Variants in LHFPL3 observed in about 807,000 individuals in gnomAD.
The protein encoded by LHFPL3 is LHFPL tetraspan subfamily member 3.
In LHFPL3, 5 loss-of-function variants were observed where a neutral mutation model predicts 19.3. That is an observed-to-expected ratio of 0.26 (90% CI 0.14 to 0.54). The LOEUF (loss-of-function observed/expected upper bound fraction) is 0.54, where lower values mean the gene tolerates loss of function less well. Ranked by LOEUF, LHFPL3 falls within the 20% of genes least tolerant of loss-of-function variation. LHFPL3 has a pLI of 0.94. For synonymous variants in LHFPL3, 133 were observed against 126.2 expected (o/e 1.05, Z -0.36); for missense variants, 249 against 307.4 (o/e 0.81, Z 1.42).
chr7:104,607,554 G>C (rs1045059677), intron 1 of LHFPL3, among the ~76,000 whole-genome samples: 3 of 152,170 alleles, frequency 2.0e-5, no homozygotes, highest in Admixed American at 2.0e-4. Context: ...GAAGACCGAA[G>C]ATCCAGGGGT....
chr7:104,826,413 TC>T, intron 2 of LHFPL3: 1 of 162,068 alleles, frequency 6.2e-6, no homozygotes. Context: ...CCACGCAGCA[TC>T]CCTCATCCTT....
intron 1 of LHFPL3, among the ~76,000 whole-genome samples, chr7:104,595,693 T>G (rs975011922): frequency 6.6e-6 from 1 of 152,394 alleles, no homozygotes; most frequent in Middle Eastern, 3.4e-3. Flanking sequence ...GCAGTAGGCC[T>G]TGTTGAGCTG....
At chr7:104,726,181 T>C (rs1356920714) in intron 1 of LHFPL3, among the ~76,000 whole-genome samples, 5 of 152,248 alleles carry the variant, frequency 3.3e-5, no homozygotes, top group African/African-American at 4.8e-5. Context: ...GACTGTGATA[T>C]TGACCTCCAT....
At chr7:104,724,545 A>G (rs1382098068) in intron 1 of LHFPL3, among the ~76,000 whole-genome samples, 1 of 152,324 alleles carries the variant, frequency 6.6e-6, no homozygotes, top group East Asian at 1.9e-4. Flanking sequence ...CACTTTAAGA[A>G]AACTAAATGA....
At chr7:104,704,593 T>C (rs1250533682) in intron 1 of LHFPL3, among the ~76,000 whole-genome samples, 1 of 152,104 alleles carries the variant, frequency 6.6e-6, no homozygotes, top group African/African-American at 2.4e-5. Context: ...AAAGTACCTT[T>C]CTTGCCCTAG....
intron 2 of LHFPL3, among the ~76,000 whole-genome samples, chr7:104,805,571 C>T (rs1289796209): frequency 3.3e-5 from 5 of 152,182 alleles, no homozygotes; most frequent in African/African-American, 1.2e-4. Context: ...GCTTCGTTCA[C>T]CCCTTCCAGG....
chr7:104,725,815 G>T (rs1170094715), intron 1 of LHFPL3, among the ~76,000 whole-genome samples: 1 of 152,064 alleles, frequency 6.6e-6, no homozygotes, highest in South Asian at 2.1e-4. Flanking sequence ...ACTTTGGGAG[G>T]CCAAAAATGG....
chr7:104,828,476 A>T (rs1790867958), intron 2 of LHFPL3, among the ~76,000 whole-genome samples: 1 of 151,998 alleles, frequency 6.6e-6, no homozygotes, highest in East Asian at 1.9e-4. Flanking sequence ...CTTGTCTGAA[A>T]CCAAGAGACC....
intron 1 of LHFPL3, among the ~76,000 whole-genome samples, chr7:104,552,456 T>C (rs1224055158): frequency 6.6e-6 from 1 of 152,172 alleles, no homozygotes; most frequent in African/African-American, 2.4e-5. Context: ...GTTGGGCTAT[T>C]TGAGACCTTC....
chr7:104,563,004 G>A (rs1037455569), intron 1 of LHFPL3, among the ~76,000 whole-genome samples: 19 of 152,290 alleles, frequency 1.2e-4, no homozygotes, highest in South Asian at 4.1e-4. Flanking sequence ...GGGGGTCAGG[G>A]GTCAGGGACC....
intron 1 of LHFPL3, among the ~76,000 whole-genome samples, chr7:104,611,739 G>T (rs544909825): frequency 2.6e-4 from 40 of 152,206 alleles, no homozygotes; most frequent in African/African-American, 8.2e-4. Flanking sequence ...ACTAAAAAAG[G>T]GGGGGAGGAA....
rs199814222 is a variant in LHFPL3 at position 104,829,325 on chromosome 7, C to CT, written c.683-76852dup. Reference sequence around the variant, plus strand: ...TGGAGAGTGATAGATGTCATAGCTGCTTTTTTTTTTAATTATTATTATACT... The same window carrying CT: ...TGGAGAGTGATAGATGTCATAGCTGCTTTTTTTTTTTAATTATTATTATACT... On this transcript the variant is annotated intron_variant, in intron 2 of 2. Coordinates refer to ENST00000424859, the MANE Select transcript of LHFPL3 (RefSeq NM_199000.3). Among the ~76,000 whole-genome samples the CT allele has an allele frequency of 6.7e-4, 100 of 148,408 alleles. 1 individual carries two copies. Among genetic ancestry groups the CT allele is most frequent in the African/African-American group, 1.5e-3 (59 of 40,180 alleles).
rs1793330174 is a variant in LHFPL3 at position 104,490,830 on chromosome 7, C to G, written c.445+161606C>G. On this transcript the variant is annotated intron_variant, in intron 1 of 2. Transcript: ENST00000424859. ...ATCTAATAGCACTCTCTGGAATTCA[C>G]TATTCCCTCCTCTCACAGGTTTCCT... is the stretch of plus-strand genomic sequence containing the variant. Among the ~76,000 whole-genome samples the G allele has an allele frequency of 3.9e-5, 6 of 152,286 alleles. No individual in the cohort carries two copies. In the South Asian group the frequency reaches 1.2e-3, roughly 32 times the overall value.
chr7:104,583,861 G>A (rs994381129), intron 1 of LHFPL3, among the ~76,000 whole-genome samples: 17 of 151,590 alleles, frequency 1.1e-4, no homozygotes, highest in African/African-American at 3.9e-4. Context: ...CTGTTGGTGG[G>A]ACTGTAAACT....
chr7:104,732,945 A>T (rs1793732775), intron 1 of LHFPL3, among the ~76,000 whole-genome samples: 2 of 152,220 alleles, frequency 1.3e-5, no homozygotes. Flanking sequence ...CATTGGTTTC[A>T]AAAACATCTT....
At chr7:104,815,647 G>A (rs557106854) in intron 2 of LHFPL3, among the ~76,000 whole-genome samples, 1 of 152,256 alleles carries the variant, frequency 6.6e-6, no homozygotes, top group South Asian at 2.1e-4. Flanking sequence ...CCTCCGTTCA[G>A]AGGTTCTAAC....
intron 1 of LHFPL3, among the ~76,000 whole-genome samples, chr7:104,584,621 A>G (rs1254271104): frequency 1.3e-5 from 2 of 152,176 alleles, no homozygotes; most frequent in East Asian, 3.8e-4. Flanking sequence ...CAGTTGTTAT[A>G]TATCAAACTA....
chr7:104,819,306 G>T (rs977907893), intron 2 of LHFPL3, among the ~76,000 whole-genome samples: 1 of 149,508 alleles, frequency 6.7e-6, no homozygotes, highest in Non-Finnish European at 1.5e-5. Flanking sequence ...CACCAGTTCA[G>T]TTCTATGCAA....
At chr7:104,655,457 G>A (rs570390447) in intron 1 of LHFPL3, among the ~76,000 whole-genome samples, 1 of 152,304 alleles carries the variant, frequency 6.6e-6, no homozygotes, top group Admixed American at 6.5e-5. Context: ...GAAATGTTTG[G>A]TATGGACGTT....
Sources: gnomAD v4.1 joint callset for allele counts (sites outside exome capture counted in the v4.1 genomes callset) on GRCh38, gnomAD v4.1.1 for gene constraint, MANE v1.5 for transcripts, NCBI Gene and HGNC (gene_info 2026-07-23, HGNC 2026-07-21) for gene names.